HTR4: variants seen among roughly 807,000 people sequenced by gnomAD.
HTR4 encodes the protein 5-hydroxytryptamine (serotonin) receptor 4, G protein-coupled.
Under a neutral mutation model 36.8 loss-of-function variants are expected in HTR4, and 16 were observed. That is an observed-to-expected ratio of 0.43 (90% confidence interval 0.29 to 0.66). The LOEUF is 0.66. Among genes scored for constraint, HTR4 ranks in the 30% least tolerant of loss-of-function variants. The probability of loss-of-function intolerance (pLI) is 0.13; values close to 1 mark genes in which losing one functional copy is unlikely to be tolerated. For missense variants in HTR4, 438 were observed against 490.9 expected (o/e 0.89, Z 1.02); for synonymous variants, 189 against 185.1 (o/e 1.02, Z -0.17).
chr5:148,541,692 C>G (rs1759123954), intron 4 of HTR4, among the ~76,000 whole-genome samples: 1 of 152,200 alleles, frequency 6.6e-6, no homozygotes. Flanking sequence ...GATAACAGAT[C>G]ACTCATGGGT....
At chr5:148,498,046 G>C (rs1266071528) in intron 6 of HTR4, among the ~76,000 whole-genome samples, 1 of 152,112 alleles carries the variant, frequency 6.6e-6, no homozygotes, top group East Asian at 1.9e-4. Flanking sequence ...CTCTGCTACT[G>C]TGTACACTAG....
At chr5:148,465,705 G>T (rs1755409196) in intron 5 of HTR4, 1 of 976,978 alleles carries the variant, frequency 1.0e-6, no homozygotes, top group South Asian at 3.0e-5. Flanking sequence ...TATTAATATG[G>T]GCTCTGCAGT....
intron 2 of HTR4, among the ~76,000 whole-genome samples, chr5:148,614,939 A>G (rs1436109256): frequency 2.0e-5 from 3 of 152,236 alleles, no homozygotes; most frequent in Non-Finnish European, 4.4e-5. Flanking sequence ...AATGCTCACC[A>G]TCACTGGCCA....
chr5:148,648,882 G>C (rs1407530192), intron 1 of HTR4, among the ~76,000 whole-genome samples: 1 of 152,176 alleles, frequency 6.6e-6, no homozygotes, highest in Non-Finnish European at 1.5e-5. Context: ...GAGTTTTCTA[G>C]AATTGACTGT....
chr5:148,550,843 T>C (rs1275647485), intron 2 of HTR4, among the ~76,000 whole-genome samples: 1 of 152,134 alleles, frequency 6.6e-6, no homozygotes, highest in Non-Finnish European at 1.5e-5. Flanking sequence ...GATCCAATCA[T>C]ATAGAGCCCT....
intron 2 of HTR4, among the ~76,000 whole-genome samples, chr5:148,633,747 G>A (rs1753417738): frequency 6.6e-6 from 1 of 152,046 alleles, no homozygotes; most frequent in African/African-American, 2.4e-5. Context: ...AAGTGTAGGT[G>A]CTTAATTATT....
At chr5:148,592,603 A>G (rs926341119) in intron 2 of HTR4, among the ~76,000 whole-genome samples, 3 of 152,072 alleles carry the variant, frequency 2.0e-5, no homozygotes, top group East Asian at 1.9e-4. Context: ...ATTTTTATAT[A>G]TGAATTTACT....
At chr5:148,547,902 ATAC>A (rs1222863704) in intron 4 of HTR4, among the ~76,000 whole-genome samples, 4 of 152,198 alleles carry the variant, frequency 2.6e-5, no homozygotes, top group African/African-American at 9.7e-5. Flanking sequence ...AACCCCTAAG[ATAC>A]TACTACATTG....
At chr5:148,562,083 C>T (rs1760237827) in intron 2 of HTR4, among the ~76,000 whole-genome samples, 1 of 152,216 alleles carries the variant, frequency 6.6e-6, no homozygotes, top group Admixed American at 6.5e-5. Flanking sequence ...CAGGAGTAGT[C>T]AAACAATGGC....
chr5:148,636,580 T>A (rs986484991), intron 2 of HTR4, among the ~76,000 whole-genome samples: 1 of 152,192 alleles, frequency 6.6e-6, no homozygotes, highest in Admixed American at 6.5e-5. Flanking sequence ...CATAATATAA[T>A]AACCTAGTTG....
chr5:148,611,692 G>A (rs1752435655), intron 2 of HTR4, among the ~76,000 whole-genome samples: 1 of 151,280 alleles, frequency 6.6e-6, no homozygotes, highest in Non-Finnish European at 1.5e-5. Flanking sequence ...AACTTTAAAT[G>A]TAAATGGACT....
At chr5:148,584,673 A>T (rs1761283310) in intron 2 of HTR4, among the ~76,000 whole-genome samples, 1 of 152,136 alleles carries the variant, frequency 6.6e-6, no homozygotes, top group Non-Finnish European at 1.5e-5. Flanking sequence ...GCCCAACTCC[A>T]TCAAGCTACT....
chr5:148,457,939 T>A (rs1755150197), intron 5 of HTR4, among the ~76,000 whole-genome samples: 2 of 133,200 alleles, frequency 1.5e-5, no homozygotes, highest in Admixed American at 7.7e-5. Flanking sequence ...ATATTATATT[T>A]TAAGATATAT....
At chr5:148,580,818 G>A (rs1353613722) in intron 2 of HTR4, among the ~76,000 whole-genome samples, 1 of 152,102 alleles carries the variant, frequency 6.6e-6, no homozygotes, top group East Asian at 1.9e-4. Flanking sequence ...GAATATTGTT[G>A]CCATGAACAT....
chr5:148,505,938 G>A (rs990324509), intron 6 of HTR4, among the ~76,000 whole-genome samples: 1 of 152,062 alleles, frequency 6.6e-6, no homozygotes, highest in Non-Finnish European at 1.5e-5. Context: ...CGCGAAAATG[G>A]CCATACTGCC....
intron 5 of HTR4, among the ~76,000 whole-genome samples, chr5:148,467,829 A>G (rs1292166223): frequency 6.6e-6 from 1 of 152,184 alleles, no homozygotes; most frequent in Non-Finnish European, 1.5e-5. Context: ...TGTCACTTAC[A>G]TTTGTATTGC....
chr5:148,474,950 G>C (rs577868778), downstream of HTR4, among the ~76,000 whole-genome samples: 2 of 152,188 alleles, frequency 1.3e-5, no homozygotes, highest in Admixed American at 6.5e-5. Context: ...GGAGGCTGAG[G>C]CGGAGAATTG....
chr5:148,481,184 A>G (rs966132246), downstream of HTR4, among the ~76,000 whole-genome samples: 3 of 152,156 alleles, frequency 2.0e-5, no homozygotes, highest in Non-Finnish European at 4.4e-5. Flanking sequence ...TCCCTTCTTC[A>G]TATTAGAAAA....
chr5:148,543,386 A>G (rs982720936), intron 4 of HTR4, among the ~76,000 whole-genome samples: 1 of 152,220 alleles, frequency 6.6e-6, no homozygotes, highest in Non-Finnish European at 1.5e-5. Context: ...GTAGAGAGCC[A>G]TGTCTGAAGC....
Sources: gnomAD v4.1 joint callset for allele counts (sites outside exome capture counted in the v4.1 genomes callset) on GRCh38, gnomAD v4.1.1 for gene constraint, MANE v1.5 for transcripts, NCBI Gene and HGNC (gene_info 2026-07-23, HGNC 2026-07-21) for gene names.